The following PCDHA4 variants were observed in gnomAD, a reference collection of about 807,000 sequenced individuals.
PCDHA4 encodes the protein protocadherin alpha 4, also known as protocadherin alpha-4.
Under a neutral mutation model 61.4 loss-of-function variants are expected in PCDHA4, and 49 were observed. That is an observed-to-expected ratio of 0.80 (90% CI 0.63 to 1.01). The LOEUF is 1.01. PCDHA4 is among the 50% of genes least tolerant of loss of function. The pLI is 0.00. For missense variants in PCDHA4, 1,254 were observed against 1,235.8 expected (o/e 1.01, Z -0.22); for synonymous variants, 590 against 550.3 (o/e 1.07, Z -1.01).
chr5:141,000,419 A>ATTTTTT (rs1563652468), intron 3 of PCDHA4, among the ~76,000 whole-genome samples: 3 of 60,996 alleles, frequency 4.9e-5, no homozygotes, highest in African/African-American at 7.6e-5. Context: ...ATATATATAT[A>ATTTTTT]TATTTTTTTT....
chr5:140,850,440 G>A (rs2150484697), intron 1 of PCDHA4: 3 of 1,598,068 alleles, frequency 1.9e-6, no homozygotes, highest in South Asian at 1.1e-5. Flanking sequence ...GCGCCTACTG[G>A]TGCTGGTGAA....
intron 3 of PCDHA4, among the ~76,000 whole-genome samples, chr5:141,003,504 G>A (rs1336599901): frequency 9.2e-5 from 14 of 152,020 alleles, no homozygotes; most frequent in African/African-American, 3.4e-4. Context: ...GTAGAGATGG[G>A]GTTTCACCAT....
At chr5:140,873,963 T>G (rs1048862313) in intron 1 of PCDHA4, among the ~76,000 whole-genome samples, 2 of 152,206 alleles carry the variant, frequency 1.3e-5, no homozygotes, top group East Asian at 3.8e-4. Flanking sequence ...GCCCAGCCTA[T>G]TTTTTAAAAT....
rs782301019 is a variant in PCDHA4 at position 140,876,753 on chromosome 5, G to T, written c.2385+67181G>T. On this transcript the variant is annotated intron_variant, in intron 1 of 3. Coordinates refer to ENST00000530339, the MANE Select transcript of PCDHA4 (RefSeq NM_018907.4). ...CGGCCTATGAGCTGGTGGTGACTGC[G>T]CGGGATGGGGGCTCGCCTTCGCTGT... is the stretch of plus-strand genomic sequence containing the variant. 1.1e-5 allele frequency: 17 copies of T among 1,614,128 alleles called. No homozygotes were observed. In the Admixed American group the frequency reaches 2.8e-4, roughly 27 times the overall value.
chr5:140,823,200 G>C, intron 1 of PCDHA4: 3 of 1,613,866 alleles, frequency 1.9e-6, no homozygotes, highest in Admixed American at 1.7e-5. Context: ...ACATCTTCAC[G>C]GTGTCTGCAC....
chr5:140,834,326 A>T, intron 1 of PCDHA4: 1 of 1,449,926 alleles, frequency 6.9e-7, no homozygotes, highest in Non-Finnish European at 9.4e-7. Context: ...GGATAAAAAC[A>T]TTCCTATAAA....
At chr5:140,847,596 A>G (rs1159769892) in intron 1 of PCDHA4, 1 of 149,708 alleles carries the variant, frequency 6.7e-6, no homozygotes, top group Non-Finnish European at 1.5e-5. Context: ...TGAAATTAAA[A>G]CATATTGTAA....
rs2150364461 is a variant in PCDHA4, at chr5:140,843,643, C to T, written c.2385+34071C>T. 81 of 1,595,634 alleles carry T rather than the reference C, an allele frequency of 5.1e-5. 5 individuals are homozygous for T. In the South Asian group the frequency reaches 8.1e-4, roughly 16 times the overall value. On this transcript the variant is annotated intron_variant, in intron 1 of 3. Transcript: ENST00000530339. ...AGACGGACCTCATGGCCTTCAGCCC[C>T]TGCCTTCCTCCTGATCTGGGATCAG...
chr5:140,929,499 C>G, intron 1 of PCDHA4: 1 of 980,264 alleles, frequency 1.0e-6, no homozygotes, highest in South Asian at 3.1e-5. Flanking sequence ...GAAGATTGCC[C>G]TAGGCCTCAA....
chr5:140,865,500 G>A (rs1485481097), intron 1 of PCDHA4: 1 of 152,176 alleles, frequency 6.6e-6, no homozygotes, highest in Non-Finnish European at 1.5e-5. Flanking sequence ...GGAAAACCCT[G>A]TCCTACTTTA....
chr5:141,009,021 G>A (rs997779963), intron 3 of PCDHA4, among the ~76,000 whole-genome samples: 1 of 152,246 alleles, frequency 6.6e-6, no homozygotes, highest in Non-Finnish European at 1.5e-5. Context: ...TTTAGGCTCT[G>A]TATTTCCCAT....
intron 1 of PCDHA4, among the ~76,000 whole-genome samples, chr5:140,914,901 G>A (rs2076874560): frequency 6.8e-6 from 1 of 147,044 alleles, no homozygotes; most frequent in African/African-American, 2.5e-5. Flanking sequence ...TTAACTTTGT[G>A]TTGTTTCTCT....
At chr5:140,853,468 T>C in intron 1 of PCDHA4, 2 of 970,862 alleles carry the variant, frequency 2.1e-6, no homozygotes, top group African/African-American at 1.8e-5. Context: ...TATGCATCTG[T>C]AGTTAACATT....
chr5:140,896,074 A>C (rs1251086240), intron 1 of PCDHA4, among the ~76,000 whole-genome samples: 1 of 151,976 alleles, frequency 6.6e-6, no homozygotes, highest in African/African-American at 2.4e-5. Context: ...GCCTCCCAAC[A>C]TGCTGGGATT....
chr5:140,913,489 G>C (rs1428566821), intron 1 of PCDHA4, among the ~76,000 whole-genome samples: 1 of 151,754 alleles, frequency 6.6e-6, no homozygotes, highest in Non-Finnish European at 1.5e-5. Context: ...TTCTTCATTA[G>C]TCTGTTTAAA....
intron 1 of PCDHA4, chr5:140,968,975 T>G (rs782002097): frequency 2.5e-6 from 4 of 1,614,168 alleles, no homozygotes; most frequent in Non-Finnish European, 3.4e-6. Context: ...CTACACTGCG[T>G]ATGGCACTGC....
In PCDHA4 at chr5:140,836,909, CTTTTG is replaced by C. The variant is rs2150271100; in HGVS notation, c.2385+27343_2385+27347del. On this transcript the variant is annotated intron_variant, in intron 1 of 3. Coordinates refer to ENST00000530339, the MANE Select transcript of PCDHA4 (RefSeq NM_018907.4). ...TATTTGGAAGTACGTTTAATATACACTTTTGTTTTGGGATGCGTAATACTATAGAT... is the reference window on the plus strand; with the variant it reads ...TATTTGGAAGTACGTTTAATATACACTTTTGGGATGCGTAATACTATAGAT... 186 of 579,744 alleles carry C rather than the reference CTTTTG, an allele frequency of 3.2e-4. 4 individuals carry two copies. The highest frequency in any genetic ancestry group is 1.5e-3 in the South Asian group (53 of 34,270). 35.9% of individuals were successfully genotyped at this position (579,744 alleles called of 1,614,324 possible).
intron 1 of PCDHA4, among the ~76,000 whole-genome samples, chr5:140,899,726 T>A (rs1406076879): frequency 6.6e-6 from 1 of 152,236 alleles, no homozygotes; most frequent in East Asian, 1.9e-4. Flanking sequence ...CCTCTTTTTC[T>A]ATTGATTGGA....
chr5:140,954,615 C>A (rs782262504), intron 1 of PCDHA4, among the ~76,000 whole-genome samples: 16 of 151,806 alleles, frequency 1.1e-4, no homozygotes, highest in Non-Finnish European at 1.6e-4. Context: ...TTTTAATGGG[C>A]TTGTTTGGGT....
Sources: allele counts gnomAD v4.1 joint callset (sites outside exome capture counted in the v4.1 genomes callset), GRCh38; gene constraint gnomAD v4.1.1; transcripts MANE v1.5; gene names NCBI Gene and HGNC (gene_info 2026-07-23, HGNC 2026-07-21).